Variants in GRIA1 observed in about 807,000 individuals in gnomAD.
The protein encoded by GRIA1 is glutamate ionotropic receptor AMPA type subunit 1.
GRIA1 carries 31 observed loss-of-function variants against 99.2 expected under a neutral mutation model. The observed-to-expected ratio is 0.31, with a 90% CI of 0.23 to 0.42. The LOEUF (loss-of-function observed/expected upper bound fraction) is 0.42. Ranked by LOEUF, GRIA1 falls within the 10% of genes least tolerant of loss-of-function variation. The pLI, the probability that GRIA1 is intolerant of heterozygous loss-of-function variation, is 1.00. For synonymous variants in GRIA1, 438 were observed against 432.4 expected, an observed-to-expected ratio of 1.01 and a Z score of -0.16; for missense variants, 782 against 1,157.5, an observed-to-expected ratio of 0.68 and a Z score of 4.71.
chr5:153,551,381 C>G (rs1040753627), intron 2 of GRIA1, among the ~76,000 whole-genome samples: 2 of 151,808 alleles, frequency 1.3e-5, no homozygotes, highest in Non-Finnish European at 2.9e-5. Flanking sequence ...AATGAGCAGG[C>G]CTATGATTCC....
intron 13 of GRIA1, among the ~76,000 whole-genome samples, chr5:153,771,750 A>C (rs1008617883): frequency 6.6e-6 from 1 of 152,248 alleles, no homozygotes; most frequent in Non-Finnish European, 1.5e-5. Flanking sequence ...AAGAAAAAAC[A>C]AATCAAAACT....
intron 8 of GRIA1, 122 bp from the exon 9 acceptor site, chr5:153,697,922 G>A: frequency 1.9e-6 from 1 of 521,282 alleles, no homozygotes. Flanking sequence ...TTAGAGCTCG[G>A]TGTGTCCAAT....
At chr5:153,749,223 G>A (rs150291898) in intron 11 of GRIA1, among the ~76,000 whole-genome samples, 11 of 152,258 alleles carry the variant, frequency 7.2e-5, no homozygotes, top group South Asian at 4.2e-4. Flanking sequence ...TAGCTCTGCC[G>A]TGTCTGTGCT....
intron 13 of GRIA1, among the ~76,000 whole-genome samples, chr5:153,774,299 T>C (rs899232486): frequency 3.9e-5 from 6 of 152,018 alleles, no homozygotes; most frequent in African/African-American, 1.5e-4. Context: ...GTAAAGACAT[T>C]TGTGCTTCCT....
intron 5 of GRIA1, 128 bp from the exon 6 acceptor site, chr5:153,674,372 C>G (rs1365891521): frequency 4.0e-6 from 4 of 1,001,572 alleles, no homozygotes; most frequent in Non-Finnish European, 6.1e-6. Flanking sequence ...GAAAGGAGGC[C>G]TAACTGTCTC....
intron 12 of GRIA1, among the ~76,000 whole-genome samples, chr5:153,769,735 C>T (rs1763748680): frequency 6.6e-6 from 1 of 151,828 alleles, no homozygotes; most frequent in Admixed American, 6.6e-5. Flanking sequence ...GACAGGTCTA[C>T]CCATGATCCA....
intron 2 of GRIA1, among the ~76,000 whole-genome samples, chr5:153,646,548 T>C (rs1206223294): frequency 6.6e-6 from 1 of 152,196 alleles, no homozygotes; most frequent in Non-Finnish European, 1.5e-5. Flanking sequence ...CTTTCTAGCC[T>C]CAATAGGGTC....
In GRIA1 at chr5:153,784,312, G is replaced by C. The variant is rs551930187; in HGVS notation, c.2271-10309G>C. Among the ~76,000 whole-genome samples the C allele has an allele frequency of 6.0e-4, 92 of 152,202 alleles. 1 individual carries two copies. Among genetic ancestry groups the C allele is most frequent in the African/African-American group, 2.2e-3 (91 of 41,526 alleles). On this transcript the variant is annotated intron_variant, in intron 13 of 15. Coordinates refer to ENST00000285900, the MANE Select transcript of GRIA1 (RefSeq NM_000827.4). ...CATGACATGTCACATAATTTGATCA[G>C]AGATGAATGAGGTACTCAAATCACG...
At chr5:153,787,236 G>C (rs1198027099) in intron 13 of GRIA1, among the ~76,000 whole-genome samples, 1 of 152,134 alleles carries the variant, frequency 6.6e-6, no homozygotes, top group East Asian at 1.9e-4. Context: ...ATTGTCTTTA[G>C]AGTACCAAGT....
At chr5:153,606,238 T>G (rs1334538779) in intron 2 of GRIA1, among the ~76,000 whole-genome samples, 1 of 152,148 alleles carries the variant, frequency 6.6e-6, no homozygotes, top group Non-Finnish European at 1.5e-5. Context: ...ATAAATCAAG[T>G]GACCAAGTAT....
intron 2 of GRIA1, among the ~76,000 whole-genome samples, chr5:153,613,523 T>C (rs1232118828): frequency 6.6e-6 from 1 of 152,178 alleles, no homozygotes; most frequent in Non-Finnish European, 1.5e-5. Context: ...GCTTCATGTC[T>C]CCACTGAAGT....
intron 11 of GRIA1, among the ~76,000 whole-genome samples, chr5:153,724,515 T>C (rs193039529): frequency 1.3e-5 from 2 of 152,128 alleles, no homozygotes; most frequent in African/African-American, 2.4e-5. Flanking sequence ...TTTAGATGAA[T>C]GTATAACTAG....
intron 2 of GRIA1, among the ~76,000 whole-genome samples, chr5:153,606,397 A>T (rs1765439953): frequency 6.6e-6 from 1 of 152,090 alleles, no homozygotes; most frequent in Non-Finnish European, 1.5e-5. Context: ...CTTTACATTT[A>T]CATACAAATT....
At chr5:153,501,511 T>C (rs961336707) in intron 2 of GRIA1, among the ~76,000 whole-genome samples, 27 of 152,226 alleles carry the variant, frequency 1.8e-4, no homozygotes, top group Admixed American at 2.0e-4. Context: ...GGCTCTGTTA[T>C]GGATTTTGAT....
chr5:153,709,873 A>T (rs1759186188), intron 11 of GRIA1, among the ~76,000 whole-genome samples: 1 of 152,214 alleles, frequency 6.6e-6, no homozygotes, highest in Non-Finnish European at 1.5e-5. Context: ...TAGGTTTTCC[A>T]ACCTCTAGAG....
At chr5:153,501,259 T>A (rs930823220) in intron 2 of GRIA1, among the ~76,000 whole-genome samples, 6 of 152,194 alleles carry the variant, frequency 3.9e-5, no homozygotes, top group Non-Finnish European at 5.9e-5. Context: ...CCTGTGCTCA[T>A]GGAGCTCACC....
intron 7 of GRIA1, among the ~76,000 whole-genome samples, chr5:153,684,097 A>C (rs1031288295): frequency 6.6e-6 from 1 of 152,180 alleles, no homozygotes; most frequent in African/African-American, 2.4e-5. Context: ...TGCCTCTGCC[A>C]CTGGTTAGTC....
chr5:153,777,264 G>A (rs1483691237), intron 13 of GRIA1, among the ~76,000 whole-genome samples: 1 of 152,152 alleles, frequency 6.6e-6, no homozygotes, highest in Non-Finnish European at 1.5e-5. Flanking sequence ...CTAGTGGTCT[G>A]AGGAGGCAGA....
In GRIA1 at chr5:153,622,327, C is replaced by T. The variant is rs1873907; in HGVS notation, c.221-24601C>T. On this transcript the variant is annotated intron_variant, in intron 2 of 15. Transcript: ENST00000285900. ...AATCGTGGGGCCCCAGTAATCCAAA[C>T]GAGTACCTCATCTAAGTCTCTGAAG... Among the ~76,000 whole-genome samples the T allele has an allele frequency of 2.0e-5, 3 of 152,144 alleles. No homozygotes were observed. The East Asian group carries it at 5.8e-4, about 29-fold the overall frequency.
Sources: gnomAD v4.1 joint callset for allele counts (sites outside exome capture counted in the v4.1 genomes callset) on GRCh38, gnomAD v4.1.1 for gene constraint, MANE v1.5 for transcripts, NCBI Gene and HGNC (gene_info 2026-07-23, HGNC 2026-07-21) for gene names.